Variants in PDCD6 observed in about 807,000 individuals in gnomAD.
PDCD6 encodes programmed cell death protein 6.
Under a neutral mutation model 28.3 loss-of-function variants are expected in PDCD6, and 12 were observed. The observed-to-expected ratio is 0.42, with a 90% CI of 0.27 to 0.69. The LOEUF (loss-of-function observed/expected upper bound fraction) is 0.69, where lower values mean the gene tolerates loss of function less well. PDCD6 is among the 30% of genes least tolerant of loss of function. PDCD6 has a pLI of 0.22. For synonymous variants in PDCD6, 92 were observed against 108.0 expected (o/e 0.85, Z 0.92); for missense variants, 226 against 269.9 (o/e 0.84, Z 1.14).
intron 2 of PDCD6, among the ~76,000 whole-genome samples, chr5:283,304 G>C (rs2126701876): frequency 6.6e-6 from 1 of 151,170 alleles, no homozygotes; most frequent in South Asian, 2.1e-4. Flanking sequence ...GGGTCTTTCA[G>C]CTGGAGACTC....
At chr5:298,174 G>C (rs1255287515) in intron 2 of PDCD6, among the ~76,000 whole-genome samples, 1 of 152,170 alleles carries the variant, frequency 6.6e-6, no homozygotes, top group Non-Finnish European at 1.5e-5. Context: ...GGTCGAGCTG[G>C]AGAAGCTGGG....
intron 1 of PDCD6, 72 bp downstream of exon 1, chr5:271,893 G>A (rs1737829726): frequency 1.3e-6 from 1 of 788,226 alleles, no homozygotes; most frequent in Admixed American, 4.2e-5. Flanking sequence ...CGACTCCCCC[G>A]ACCAACCCCG....
At position 311,282 on chromosome 5, in the gene PDCD6, C is replaced by A; in HGVS notation, c.368-11C>A. The A allele has an allele frequency of 6.2e-7, 1 of 1,608,600 alleles. No individual in the cohort carries two copies. Among genetic ancestry groups the A allele is most frequent in the Non-Finnish European group, 8.5e-7 (1 of 1,175,088 alleles). On this transcript the variant is annotated splice_polypyrimidine_tract_variant and intron_variant, in intron 4 of 5. Coordinates refer to ENST00000264933, the MANE Select transcript of PDCD6 (RefSeq NM_013232.4). ...CCCAGCCTTCTCTGACTCTGACTTTCCCTCTTGAAGGCTACCGGCTCTCTG... is the reference window on the plus strand; with the variant it reads ...CCCAGCCTTCTCTGACTCTGACTTTACCTCTTGAAGGCTACCGGCTCTCTG...
chr5:306,874 T>A lies in PDCD6; in HGVS notation c.367+114T>A, dbSNP rs549109872. 36 of 1,069,172 alleles carry A rather than the reference T, an allele frequency of 3.4e-5. No homozygotes were observed. In the African/African-American group the frequency reaches 5.4e-4, roughly 16 times the overall value. 66.2% of individuals were successfully genotyped at this position (1,069,172 alleles called of 1,614,324 possible). On this transcript the variant is annotated intron_variant, in intron 4 of 5. Coordinates refer to ENST00000264933, the MANE Select transcript of PDCD6 (RefSeq NM_013232.4). ...ATTGTCTAACCAGGCTACGTAAAGT[T>A]TTTGTTGACGTCATGCAGGTTCATA...
chr5:276,962 G>T (rs186729647), intron 2 of PDCD6: 1 of 983,610 alleles, frequency 1.0e-6, no homozygotes, highest in South Asian at 4.7e-5. Flanking sequence ...ATCCCTTTTC[G>T]GGTGTTTGGG....
intron 2 of PDCD6, among the ~76,000 whole-genome samples, chr5:287,614 CA>C (rs1352471361): frequency 6.6e-6 from 1 of 152,108 alleles, no homozygotes; most frequent in African/African-American, 2.4e-5. Context: ...TCTTTTCAAT[CA>C]GTTAGTCAAA....
intron 2 of PDCD6, among the ~76,000 whole-genome samples, chr5:294,685 C>G (rs1451833564): frequency 6.6e-6 from 1 of 152,250 alleles, no homozygotes; most frequent in African/African-American, 2.4e-5. Flanking sequence ...CCAGCAACCC[C>G]GCTCCTGAAA....
At chr5:302,289 C>T (rs1345535067) in intron 2 of PDCD6, among the ~76,000 whole-genome samples, 15 of 112,706 alleles carry the variant, frequency 1.3e-4, no homozygotes, top group South Asian at 6.4e-4. Context: ...GGCGGGTCAT[C>T]GAGTGCTGCT....
intron 2 of PDCD6, among the ~76,000 whole-genome samples, chr5:277,491 C>T (rs560235691): frequency 3.6e-4 from 54 of 151,684 alleles, no homozygotes; most frequent in Non-Finnish European, 7.4e-4. Context: ...TTAGTAGAGA[C>T]GGGGTTTCAC....
At chr5:302,111 T>TGTGTGTGTGTGTGTGTG (rs1561046622) in intron 2 of PDCD6, among the ~76,000 whole-genome samples, 2 of 115,524 alleles carry the variant, frequency 1.7e-5, no homozygotes, top group Non-Finnish European at 1.7e-5. Context: ...TGTGTGTGCC[T>TGTGTGTGTGTGTGTGTG]TGGGTTCAGG....
intron 2 of PDCD6, among the ~76,000 whole-genome samples, chr5:299,784 G>C (rs2671910): frequency 0.028 from 4,189 of 152,186 alleles, 161 homozygotes; most frequent in African/African-American, 0.085. Flanking sequence ...CTCCTCACCT[G>C]GTGATCCGCC....
At chr5:285,287 G>GGAA (rs1174073887) in intron 2 of PDCD6, among the ~76,000 whole-genome samples, 1 of 151,860 alleles carries the variant, frequency 6.6e-6, no homozygotes, top group East Asian at 2.0e-4. Context: ...GACCCGGGGG[G>GGAA]GAACTGATGC....
At chr5:310,204 G>A (rs1740818992) in intron 4 of PDCD6, 1 of 161,612 alleles carries the variant, frequency 6.2e-6, no homozygotes, top group African/African-American at 2.4e-5. Flanking sequence ...CTTTCTGAAT[G>A]TAATGGGAGG....
At chr5:272,555 C>T (rs1232573584) in intron 1 of PDCD6, among the ~76,000 whole-genome samples, 156 bp from the exon 2 acceptor site, 1 of 144,930 alleles carries the variant, frequency 6.9e-6, no homozygotes, top group Non-Finnish European at 1.5e-5. Context: ...GCTCCTGGGG[C>T]ACTTCCTTGA....
chr5:297,278 G>A (rs1161940934), intron 2 of PDCD6, among the ~76,000 whole-genome samples: 2 of 152,138 alleles, frequency 1.3e-5, no homozygotes, highest in Admixed American at 6.5e-5. Context: ...GGTTAACCAC[G>A]GAATAAACAT....
chr5:274,586 A>G (rs535526316), intron 2 of PDCD6, among the ~76,000 whole-genome samples: 37 of 152,374 alleles, frequency 2.4e-4, no homozygotes, highest in Middle Eastern at 3.4e-3. Context: ...CACTGGTACT[A>G]TTCTTGGCTA....
Position 306,727 on chromosome 5 carries a change from A to G in PDCD6, c.334A>G (p.Lys112Glu). 1 of 1,614,036 alleles carries G rather than the reference A, an allele frequency of 6.2e-7. No individual in the cohort carries two copies. The highest frequency in any genetic ancestry group is 8.5e-7 in the Non-Finnish European group (1 of 1,180,034). The change falls in exon 4 of 6, where the codon AAG becomes GAG. Residue 112 changes from lysine (K) to glutamate (E), a missense_variant. Lys to Glu is a moderately conservative substitution (Grantham distance 56). This residue lies in a region of PDCD6 where 151 missense variants were observed against 177.2 expected (regional missense o/e 0.85). Coordinates refer to ENST00000264933, the MANE Select transcript of PDCD6 (RefSeq NM_013232.4). ...YDRDNSGMID[K>E]NELKQALSGF... ...CCGGGACAACTCCGGGATGATCGAT[A>G]AGAACGAGCTGAAGCAGGCCCTCTC...
At chr5:311,740 C>T (rs1478642495) in intron 5 of PDCD6, 6 of 272,332 alleles carry the variant, frequency 2.2e-5, no homozygotes, top group South Asian at 3.8e-5. Context: ...GTCACCCAGA[C>T]GGGAGTGCAG....
At chr5:291,426 C>CATCGTCTGAGGG in intron 2 of PDCD6, among the ~76,000 whole-genome samples, 1 of 151,122 alleles carries the variant, frequency 6.6e-6, no homozygotes, top group East Asian at 2.0e-4. Flanking sequence ...CGTGATCTCC[C>CATCGTCTGAGGG]GTCTCCATTC....
Sources: gnomAD v4.1 joint callset for allele counts (sites outside exome capture counted in the v4.1 genomes callset) on GRCh38, gnomAD v4.1.1 for gene constraint, gnomAD v4.1.1 regional missense constraint, MANE v1.5 for transcripts, NCBI Gene and HGNC (gene_info 2026-07-23, HGNC 2026-07-21) for gene names.